The following RYR1 variants were observed in gnomAD, a reference collection of about 807,000 sequenced individuals.
The protein encoded by RYR1 is central core disease of muscle.
In RYR1, 342 loss-of-function variants were observed where a neutral mutation model predicts 583.5. That is an observed-to-expected ratio of 0.59 (90% CI 0.54 to 0.64). RYR1 has a LOEUF of 0.64. RYR1 is among the 30% of genes least tolerant of loss of function. The pLI is 0.00. For missense variants in RYR1, 6,032 were observed against 6,917.2 expected, an observed-to-expected ratio of 0.87 and a Z score of 4.54; for synonymous variants, 2,791 against 2,822.5, an observed-to-expected ratio of 0.99 and a Z score of 0.35.
At chr19:38,443,877 G>C in intron 5 of RYR1, 81 bp downstream of exon 5, 2 of 1,336,414 alleles carry the variant, frequency 1.5e-6, no homozygotes, top group Non-Finnish European at 2.1e-6. Context: ...AGAACGCCAA[G>C]GCAAGCATGA....
At chr19:38,490,302 C>T in intron 36 of RYR1, 26 bp downstream of exon 36, 1 of 1,601,602 alleles carries the variant, frequency 6.2e-7, no homozygotes, top group Non-Finnish European at 8.5e-7. Flanking sequence ...ACGCTGGCCA[C>T]TTTTACTGTC....
chr19:38,573,768 A>G (rs922121572), intron 96 of RYR1, among the ~76,000 whole-genome samples: 3 of 151,442 alleles, frequency 2.0e-5, no homozygotes. Context: ...CTTTCTTTCC[A>G]TAAAAGAGGC....
intron 84 of RYR1, among the ~76,000 whole-genome samples, chr19:38,541,930 G>A (rs1449114678): frequency 6.6e-6 from 1 of 151,784 alleles, no homozygotes; most frequent in Non-Finnish European, 1.5e-5. Context: ...TTGGCCGGAT[G>A]TGGTGGCTCA....
At chr19:38,489,535 C>A in intron 35 of RYR1, 92 bp downstream of exon 35, 1 of 1,427,672 alleles carries the variant, frequency 7.0e-7, no homozygotes, top group Non-Finnish European at 9.9e-7. Context: ...CGTCCTCAGG[C>A]AGTGGGGAGC....
intron 1 of RYR1, among the ~76,000 whole-genome samples, chr19:38,435,492 G>A (rs931688717): frequency 1.3e-5 from 2 of 152,174 alleles, no homozygotes; most frequent in African/African-American, 4.8e-5. Flanking sequence ...AGCACTTTGG[G>A]AGGCCAAGGT....
intron 16 of RYR1, 126 bp from the exon 17 acceptor site, chr19:38,457,371 G>T: frequency 7.3e-7 from 1 of 1,366,558 alleles, no homozygotes. Flanking sequence ...CCTCCTCTCA[G>T]TCAAAATTGC....
At chr19:38,560,983 T>C in intron 89 of RYR1, 130 bp from the exon 90 acceptor site, 3 of 792,734 alleles carry the variant, frequency 3.8e-6, no homozygotes, top group Non-Finnish European at 6.0e-6. Context: ...TGAGGCTGGG[T>C]TGAGCTGTGA....
At chr19:38,502,359 G>C in intron 47 of RYR1, 148 bp from the exon 48 acceptor site, 1 of 734,096 alleles carries the variant, frequency 1.4e-6, no homozygotes, top group Non-Finnish European at 2.3e-6. Context: ...GTGGGCATAG[G>C]GTGGGAGGAG....
chr19:38,519,111 A>G, intron 66 of RYR1, 103 bp from the exon 67 acceptor site: 1 of 1,590,676 alleles, frequency 6.3e-7, no homozygotes, highest in Non-Finnish European at 8.6e-7. Flanking sequence ...GTCAAATGGC[A>G]GCTGCTAGGT....
Position 38,504,104 on chromosome 19 carries a change from C to T in RYR1, c.7927-116C>T, listed in dbSNP as rs1970327834. The T allele has an allele frequency of 3.8e-6, 4 of 1,063,270 alleles. No individual in the cohort carries two copies. The African/African-American group carries it at 7.7e-5, about 20-fold the overall frequency. The allele number at this position is 1,063,270 out of a possible 1,614,324, so 65.9% of individuals were successfully genotyped here. A position where few individuals can be genotyped will look rare whatever the true frequency, so the allele number is the denominator to read the frequency against. On this transcript the variant is annotated intron_variant, in intron 49 of 105. Coordinates refer to ENST00000359596, the MANE Select transcript of RYR1 (RefSeq NM_000540.3). ...TTATTAGCATATCATTTGCATAACC[C>T]ACACCTCCTTCATAATTTAAAAGCA...
rs2145586022 is a variant in RYR1, at chr19:38,496,390, A to G, written c.6664-19A>G. ...AGGCAGCCACAGAGGGCAGGCCCTG[A>G]CCACCCTGCCTGTCCCAGGAGATCC... On this transcript the variant is annotated intron_variant, in intron 40 of 105. Coordinates refer to ENST00000359596, the MANE Select transcript of RYR1 (RefSeq NM_000540.3). This position sits in a 1 kb window ranked among gnomAD's most constrained non-coding sequence, Gnocchi z 4.8. 1 of 1,613,460 alleles carries G rather than the reference A, an allele frequency of 6.2e-7. No homozygotes were observed. Among genetic ancestry groups the G allele is most frequent in the Non-Finnish European group, 8.5e-7 (1 of 1,179,954 alleles).
In RYR1 at chr19:38,464,278, GAAAAAAAAAA is replaced by G. The variant is rs547288253; in HGVS notation, c.2787-339_2787-330del. Among the ~76,000 whole-genome samples, 494 of 64,236 alleles carry G rather than the reference GAAAAAAAAAA, an allele frequency of 7.7e-3. 2 individuals carry two copies. The highest frequency in any genetic ancestry group is 0.01 in the East Asian group (25 of 2,394). The allele number at this position is 64,236 out of a possible 152,430, so 42.1% of individuals were successfully genotyped here. On this transcript the variant is annotated intron_variant, in intron 22 of 105. Coordinates refer to ENST00000359596, the MANE Select transcript of RYR1 (RefSeq NM_000540.3). ...GGCGACAGAGCGAGACACCGTTTCA[GAAAAAAAAAA>G]AAAAAAAAAAAAAAAAAAAAAGAAG...
At chr19:38,545,383 G>A (rs1293324032) in intron 87 of RYR1, among the ~76,000 whole-genome samples, 1 of 152,182 alleles carries the variant, frequency 6.6e-6, no homozygotes, top group African/African-American at 2.4e-5. Flanking sequence ...AGAATGCAGA[G>A]CTTTGGAACT....
At position 38,543,699 on chromosome 19, in the gene RYR1, G is replaced by A; in HGVS notation, c.11907+39G>A. On this transcript the variant is annotated intron_variant, in intron 86 of 105. Coordinates refer to ENST00000359596, the MANE Select transcript of RYR1 (RefSeq NM_000540.3). The surrounding 1 kb of genome is among the most constrained non-coding windows in gnomAD (Gnocchi z 4.4). The stretch of plus-strand genomic sequence containing the variant: ...CCTGGGGCGGGAGTGGGAAGGGAGG[G>A]GGTCCCGCATCGTGATCCCTGATCC... 6.2e-7 allele frequency: 1 copy of A among 1,611,998 alleles called. No individual in the cohort carries two copies. The highest frequency in any genetic ancestry group is 8.5e-7 in the Non-Finnish European group (1 of 1,179,984).
rs1386722400 is a variant in RYR1 at position 38,451,667 on chromosome 19, G to A, written c.1123-97G>A. ...CAGTGAGATTCTGCAGAGCAGGGAG[G>A]AGGGGGCAAGTGCAGAACTCAAGTC... On this transcript the variant is annotated intron_variant, in intron 11 of 105. Coordinates refer to ENST00000359596, the MANE Select transcript of RYR1 (RefSeq NM_000540.3). 11 of 1,417,868 alleles carry A rather than the reference G, an allele frequency of 7.8e-6. No homozygotes were observed. The East Asian group carries it at 1.8e-4, about 24-fold the overall frequency. 87.8% of individuals were successfully genotyped at this position (1,417,868 alleles called of 1,614,324 possible).
chr19:38,528,645 A>AT lies in RYR1; in HGVS notation c.10985dup (p.Leu3663ProfsTer3). On this transcript the variant is annotated frameshift_variant, in exon 75 of 106. Coordinates refer to ENST00000359596, the MANE Select transcript of RYR1 (RefSeq NM_000540.3). LOFTEE classifies it high-confidence loss of function. ...CCTGGAGAGCTACAAGGCTGCATGG[A>AT]TCCTGACTGAAGACCACAGTTTTGA... The AT allele has an allele frequency of 6.2e-7, 1 of 1,614,130 alleles. No homozygotes were observed. Among genetic ancestry groups the AT allele is most frequent in the East Asian group, 2.2e-5 (1 of 44,876 alleles).
At chr19:38,515,547 A>G (rs1442946337) in intron 64 of RYR1, among the ~76,000 whole-genome samples, 1 of 152,210 alleles carries the variant, frequency 6.6e-6, no homozygotes, top group Non-Finnish European at 1.5e-5. Flanking sequence ...ACCTGTGAGC[A>G]CTTTGGGAGG....
At chr19:38,511,968 C>T (rs377606815) in intron 61 of RYR1, 104 bp from the exon 62 acceptor site, 27 of 1,352,016 alleles carry the variant, frequency 2.0e-5, no homozygotes, top group African/African-American at 1.0e-4. Flanking sequence ...CAACTTAGCC[C>T]GCAGGTAGCC....
chr19:38,515,369 C>T (rs1350042523), intron 64 of RYR1, among the ~76,000 whole-genome samples: 1 of 152,130 alleles, frequency 6.6e-6, no homozygotes, highest in Non-Finnish European at 1.5e-5. Flanking sequence ...GGGGGCTGCA[C>T]ACAGGAGCCA....
Sources: gnomAD v4.1 joint callset for allele counts (sites outside exome capture counted in the v4.1 genomes callset) on GRCh38, gnomAD v4.1.1 for gene constraint, Gnocchi (gnomAD v3.1) non-coding constraint, MANE v1.5 for transcripts, NCBI Gene and HGNC (gene_info 2026-07-23, HGNC 2026-07-21) for gene names.